The following SGCZ variants were observed in gnomAD, a reference collection of about 807,000 sequenced individuals.
SGCZ encodes zeta-sarcoglycan.
In SGCZ, 40 loss-of-function variants were observed where a neutral mutation model predicts 41.3. The ratio of observed to expected loss-of-function variants is 0.97; its 90% CI spans 0.75 to 1.26. SGCZ has a LOEUF of 1.26. SGCZ is among the 50% of genes most tolerant of loss of function. SGCZ has a pLI of 0.00. For missense variants in SGCZ, 552 were observed against 369.8 expected, an observed-to-expected ratio of 1.49 and a Z score of -4.04; for synonymous variants, 206 against 137.5, an observed-to-expected ratio of 1.50 and a Z score of -3.49.
chr8:14,667,472 A>G (rs1563189875), intron 1 of SGCZ, among the ~76,000 whole-genome samples: 1 of 152,166 alleles, frequency 6.6e-6, no homozygotes, highest in Admixed American at 6.5e-5. Flanking sequence ...GTCGTACCAC[A>G]CCAAATTAAC....
intron 5 of SGCZ, among the ~76,000 whole-genome samples, chr8:14,129,362 A>T (rs1018023408): frequency 6.7e-6 from 1 of 148,158 alleles, no homozygotes; most frequent in Admixed American, 6.6e-5. Context: ...AAAAAAAAAA[A>T]AAAAAAAAAA....
chr8:15,085,924 A>G (rs1376904228), intron 1 of SGCZ, among the ~76,000 whole-genome samples: 1 of 152,158 alleles, frequency 6.6e-6, no homozygotes. Context: ...ATGCTACAAA[A>G]TGTGGGTTTC....
chr8:14,586,042 C>T (rs6984291), intron 1 of SGCZ, among the ~76,000 whole-genome samples: 147,849 of 152,272 alleles, frequency 0.97, 71,918 homozygotes, highest in South Asian at 1. Flanking sequence ...TAAAACAAAA[C>T]GTCCAGCAAT....
At chr8:14,125,916 G>C (rs1263614911) in intron 5 of SGCZ, among the ~76,000 whole-genome samples, 1 of 152,200 alleles carries the variant, frequency 6.6e-6, no homozygotes, top group Non-Finnish European at 1.5e-5. Context: ...GGGAAAACTG[G>C]CGTGCCATAT....
At position 14,737,091 on chromosome 8, in the gene SGCZ, AT is replaced by A. The variant is rs572527020; in HGVS notation, c.40-182166del. Among the ~76,000 whole-genome samples, 439 of 148,818 alleles carry A rather than the reference AT, an allele frequency of 2.9e-3. 1 individual carries two copies. Among genetic ancestry groups the A allele is most frequent in the Non-Finnish European group, 4.7e-3 (315 of 67,390 alleles). On this transcript the variant is annotated intron_variant, in intron 1 of 7. Coordinates refer to ENST00000382080, the MANE Select transcript of SGCZ (RefSeq NM_139167.4). ...AGTATATATCTGGTATATAAGATAT[AT>A]ATCTATATACCAGATACATAAGATT...
chr8:14,384,705 A>G (rs1804504199), intron 2 of SGCZ, among the ~76,000 whole-genome samples: 1 of 152,082 alleles, frequency 6.6e-6, no homozygotes, highest in Non-Finnish European at 1.5e-5. Context: ...GATTACAGGC[A>G]TATGCCACCA....
At chr8:14,331,828 A>G (rs1802337327) in intron 2 of SGCZ, among the ~76,000 whole-genome samples, 1 of 151,734 alleles carries the variant, frequency 6.6e-6, no homozygotes. Context: ...GTTCCTTTAG[A>G]TATGCAAATG....
At chr8:14,240,484 C>G (rs867442916) in intron 3 of SGCZ, among the ~76,000 whole-genome samples, 2 of 151,940 alleles carry the variant, frequency 1.3e-5, no homozygotes, top group Middle Eastern at 6.8e-3. Context: ...TCATATAATT[C>G]TCCTAATTTT....
rs1389195040 is a variant in SGCZ, at chr8:14,282,874, G to T, written c.336+41229C>A. ...TTTTTTTTTTTTTTTTTTTGAGACG[G>T]AGTCTCACTCTGTCACCCAGGCTGG... On this transcript the variant is annotated intron_variant, in intron 3 of 7. Coordinates refer to ENST00000382080, the MANE Select transcript of SGCZ (RefSeq NM_139167.4). Among the ~76,000 whole-genome samples, 2 of 59,812 alleles carry T rather than the reference G, an allele frequency of 3.3e-5. 1 individual carries two copies. The highest frequency in any genetic ancestry group is 0.023 in the Middle Eastern group (2 of 88). 39.2% of individuals were successfully genotyped at this position (59,812 alleles called of 152,430 possible).
chr8:14,314,341 C>A (rs1320545783), intron 3 of SGCZ, among the ~76,000 whole-genome samples: 1 of 152,148 alleles, frequency 6.6e-6, no homozygotes, highest in Non-Finnish European at 1.5e-5. Context: ...CTCATACTTT[C>A]TTCTAAGGTT....
intron 1 of SGCZ, among the ~76,000 whole-genome samples, chr8:15,236,463 C>T (rs1489456044): frequency 6.6e-6 from 1 of 151,962 alleles, no homozygotes; most frequent in African/African-American, 2.4e-5. Context: ...AACATTCTCA[C>T]TGATCAAAGA....
In SGCZ at chr8:14,784,934, A is replaced by AT. The variant is rs1491408928; in HGVS notation, c.40-230009_40-230008insA. On this transcript the variant is annotated intron_variant, in intron 1 of 7. Coordinates refer to ENST00000382080, the MANE Select transcript of SGCZ (RefSeq NM_139167.4). Reference sequence around the variant, plus strand: ...AAAAAATATATATATATATATATATAAAATATATATATTTTTTATATTATA... The same window carrying AT: ...AAAAAATATATATATATATATATATATAAATATATATATTTTTTATATTATA... Among the ~76,000 whole-genome samples the AT allele has an allele frequency of 4.0e-4, 28 of 69,314 alleles. 4 individuals are homozygous for AT. Among genetic ancestry groups the AT allele is most frequent in the African/African-American group, 1.2e-3 (24 of 20,274 alleles). 45.5% of individuals were successfully genotyped at this position (69,314 alleles called of 152,430 possible). A position where few individuals can be genotyped will look rare whatever the true frequency, so the allele number is the denominator to read the frequency against.
chr8:14,586,345 C>T (rs1805057050), intron 1 of SGCZ, among the ~76,000 whole-genome samples: 1 of 151,994 alleles, frequency 6.6e-6, no homozygotes, highest in Non-Finnish European at 1.5e-5. Context: ...TCCCAAGTAG[C>T]TAGGACTACA....
At chr8:14,696,451 G>A (rs752626435) in intron 1 of SGCZ, among the ~76,000 whole-genome samples, 2 of 152,094 alleles carry the variant, frequency 1.3e-5, no homozygotes, top group Non-Finnish European at 2.9e-5. Flanking sequence ...GAATGTCAAA[G>A]CCTGTTCTTA....
At chr8:14,275,335 T>A (rs574793695) in intron 3 of SGCZ, among the ~76,000 whole-genome samples, 1 of 152,162 alleles carries the variant, frequency 6.6e-6, no homozygotes, top group East Asian at 1.9e-4. Context: ...CAAAACCCAA[T>A]GAGTTTTCAG....
At chr8:14,356,692 G>C (rs1803307976) in intron 2 of SGCZ, among the ~76,000 whole-genome samples, 1 of 151,874 alleles carries the variant, frequency 6.6e-6, no homozygotes, top group South Asian at 2.1e-4. Flanking sequence ...ACATTTGATA[G>C]AATTTGGAAA....
chr8:14,098,651 C>G (rs1432970238), intron 7 of SGCZ, among the ~76,000 whole-genome samples: 1 of 152,132 alleles, frequency 6.6e-6, no homozygotes, highest in Non-Finnish European at 1.5e-5. Flanking sequence ...GAGTTGAGTT[C>G]ACCTTGAAGA....
chr8:14,535,547 T>G (rs562952997), intron 2 of SGCZ, among the ~76,000 whole-genome samples: 1 of 152,002 alleles, frequency 6.6e-6, no homozygotes, highest in East Asian at 1.9e-4. Context: ...AAATACAACT[T>G]AAATGTGTAG....
intron 1 of SGCZ, among the ~76,000 whole-genome samples, chr8:14,717,431 C>T (rs954671919): frequency 1.1e-4 from 16 of 151,986 alleles, no homozygotes; most frequent in Non-Finnish European, 1.3e-4. Context: ...TTCTACTTTT[C>T]GAAGAAAGGC....
Sources: allele counts gnomAD v4.1 joint callset (sites outside exome capture counted in the v4.1 genomes callset), GRCh38; gene constraint gnomAD v4.1.1; transcripts MANE v1.5; gene names NCBI Gene and HGNC (gene_info 2026-07-23, HGNC 2026-07-21).